ZNF280D: variants seen among roughly 807,000 people sequenced by gnomAD.
ZNF280D encodes the protein zinc finger protein 280D.
Under a neutral mutation model 94.7 loss-of-function variants are expected in ZNF280D, and 39 were observed. That is an observed-to-expected ratio of 0.41 (90% CI 0.32 to 0.54). The LOEUF (loss-of-function observed/expected upper bound fraction) is 0.54. ZNF280D is among the 20% of genes least tolerant of loss of function. The pLI is 0.22. For synonymous variants in ZNF280D, 398 were observed against 377.6 expected (o/e 1.05, Z -0.63); for missense variants, 1,090 against 1,149.3 (o/e 0.95, Z 0.75).
At chr15:56,697,237 T>C (rs145040876) in intron 6 of ZNF280D, among the ~76,000 whole-genome samples, 5,553 of 151,996 alleles carry the variant, frequency 0.037, 350 homozygotes, top group Admixed American at 0.16. Context: ...CAGGCTGGAG[T>C]GCAGTGGCAG....
chr15:56,711,332 G>C (rs757679654), intron 1 of ZNF280D, among the ~76,000 whole-genome samples: 1 of 152,242 alleles, frequency 6.6e-6, no homozygotes, highest in Middle Eastern at 3.4e-3. Context: ...ACCACTCAAC[G>C]ATGTTTAACT....
Position 56,654,376 on chromosome 15 carries a change from T to C in ZNF280D, c.2176+9A>G, listed in dbSNP as rs762686232. On this transcript the variant is annotated intron_variant, in intron 18 of 21. Coordinates refer to ENST00000267807, the MANE Select transcript of ZNF280D (RefSeq NM_017661.4). ...AAAAATCTAAAGTAGCACAGTTACATATACGTACCTTTCTGCATTACAACT... is the reference window on the plus strand; with the variant it reads ...AAAAATCTAAAGTAGCACAGTTACACATACGTACCTTTCTGCATTACAACT... The C allele has an allele frequency of 3.7e-6, 6 of 1,603,504 alleles. No individual in the cohort carries two copies. The African/African-American group carries it at 4.0e-5, about 11-fold the overall frequency.
At chr15:56,647,922 T>A (rs1306745280) in intron 19 of ZNF280D, among the ~76,000 whole-genome samples, 1 of 152,164 alleles carries the variant, frequency 6.6e-6, no homozygotes, top group African/African-American at 2.4e-5. Flanking sequence ...TTTCAAACAG[T>A]TGACAATTCA....
intron 19 of ZNF280D, among the ~76,000 whole-genome samples, chr15:56,651,141 C>T (rs1455231600): frequency 2.6e-5 from 4 of 152,132 alleles, no homozygotes; most frequent in South Asian, 2.1e-4. Context: ...AATAAATATT[C>T]GCTGAATAAA....
At chr15:56,699,686 T>C (rs1204867383) in intron 6 of ZNF280D, 7 of 618,324 alleles carry the variant, frequency 1.1e-5, no homozygotes, top group African/African-American at 4.0e-5. Context: ...AAAAATCAGG[T>C]AGTTTACCTC....
intron 3 of ZNF280D, among the ~76,000 whole-genome samples, chr15:56,705,560 T>C (rs555453809): frequency 6.6e-6 from 1 of 152,286 alleles, no homozygotes; most frequent in Admixed American, 6.5e-5. Flanking sequence ...AATACAAGTA[T>C]TACATAGATT....
chr15:56,670,144 C>T (rs2054763820), intron 13 of ZNF280D, among the ~76,000 whole-genome samples: 1 of 135,224 alleles, frequency 7.4e-6, no homozygotes, highest in South Asian at 2.4e-4. Context: ...TTATCTAAAG[C>T]TGTATCTCTG....
chr15:56,642,446 T>A (rs1015837114), intron 20 of ZNF280D, among the ~76,000 whole-genome samples: 3 of 151,822 alleles, frequency 2.0e-5, no homozygotes, highest in African/African-American at 4.8e-5. Flanking sequence ...GCAAAACTAT[T>A]TCTACAGTCA....
rs747040072 is a variant in ZNF280D, at chr15:56,701,049, T to A, written c.265A>T (p.Thr89Ser). 1 of 1,613,868 alleles carries A rather than the reference T, an allele frequency of 6.2e-7. No individual in the cohort carries two copies. Among genetic ancestry groups the A allele is most frequent in the Non-Finnish European group, 8.5e-7 (1 of 1,179,798 alleles). ...GTTGGATTCGTGTAGTGTTGACTTG[T>A]AGGCTTGAATGCAGCAGTAATACCT... ...SRGITAAFKP[T>S]SQHYTNPTSN... Residue 89 changes from threonine (T) to serine (S), a missense_variant, in exon 6 of 22, where the codon ACA becomes TCA. Physicochemically the swap from Thr to Ser is moderately conservative, Grantham distance 58. Transcript: ENST00000267807.
intron 7 of ZNF280D, among the ~76,000 whole-genome samples, chr15:56,692,371 A>C (rs1596522436): frequency 1.3e-5 from 2 of 152,240 alleles, no homozygotes; most frequent in South Asian, 4.1e-4. Flanking sequence ...AATTCCAAAA[A>C]ATCATGTATA....
At chr15:56,676,890 G>C in intron 12 of ZNF280D, 74 bp from the exon 13 acceptor site, 5 of 1,179,704 alleles carry the variant, frequency 4.2e-6, no homozygotes, top group Non-Finnish European at 6.0e-6. Context: ...AACAATGATG[G>C]ATAATTTGTC....
chr15:56,636,290 C>A (rs1259559850), intron 20 of ZNF280D, among the ~76,000 whole-genome samples: 1 of 151,984 alleles, frequency 6.6e-6, no homozygotes. Context: ...TGGAGGAGTG[C>A]AAGGAAAAGA....
At chr15:56,701,973 A>G (rs2057102506) in intron 4 of ZNF280D, among the ~76,000 whole-genome samples, 3 of 150,654 alleles carry the variant, frequency 2.0e-5, no homozygotes, top group Admixed American at 1.3e-4. Context: ...ATAGTTTGGA[A>G]GCATGAGGAT....
At chr15:56,694,990 G>A (rs549808211) in intron 6 of ZNF280D, among the ~76,000 whole-genome samples, 1 of 152,272 alleles carries the variant, frequency 6.6e-6, no homozygotes, top group African/African-American at 2.4e-5. Context: ...GCAAAGTAGA[G>A]CTTATATTTT....
Position 56,666,175 on chromosome 15 carries a change from A to G in ZNF280D, c.1994+220T>C, listed in dbSNP as rs190134818. 2.6e-3 allele frequency among the ~76,000 whole-genome samples: 393 copies of G among 152,234 alleles called. 2 individuals carry two copies. The highest frequency in any genetic ancestry group is 4.3e-3 in the Admixed American group (65 of 15,266). On this transcript the variant is annotated intron_variant, in intron 16 of 21. Coordinates refer to ENST00000267807, the MANE Select transcript of ZNF280D (RefSeq NM_017661.4). ...ACTATTACCCTAACAAACCTATTCT[A>G]ATTTCATTAGCTTAATTTTTCTTAC... is the stretch of plus-strand genomic sequence containing the variant.
chr15:56,642,929 G>A (rs751407780), intron 20 of ZNF280D, 23 bp downstream of exon 20: 1 of 1,472,194 alleles, frequency 6.8e-7, no homozygotes, highest in South Asian at 1.4e-5. Context: ...AACCTTTAAG[G>A]TATAAAGTAA....
chr15:56,649,522 T>C (rs550546122), intron 19 of ZNF280D, among the ~76,000 whole-genome samples: 1 of 152,170 alleles, frequency 6.6e-6, no homozygotes, highest in African/African-American at 2.4e-5. Context: ...TATGGTAGGA[T>C]GAGAGAATCT....
chr15:56,683,541 C>T (rs548365323), intron 9 of ZNF280D, among the ~76,000 whole-genome samples: 3 of 152,272 alleles, frequency 2.0e-5, no homozygotes, highest in Admixed American at 1.3e-4. Flanking sequence ...TAAATATGTA[C>T]TTTAATGCCA....
chr15:56,671,616 T>C (rs779574151), intron 13 of ZNF280D, among the ~76,000 whole-genome samples: 11 of 152,180 alleles, frequency 7.2e-5, no homozygotes, highest in Non-Finnish European at 1.2e-4. Flanking sequence ...GTGTGATTCC[T>C]CCAGCTTTGT....
Sources: allele counts gnomAD v4.1 joint callset (sites outside exome capture counted in the v4.1 genomes callset), GRCh38; gene constraint gnomAD v4.1.1; transcripts MANE v1.5; gene names NCBI Gene and HGNC (gene_info 2026-07-23, HGNC 2026-07-21).